The following RINL variants were observed in gnomAD, a reference collection of about 807,000 sequenced individuals.
RINL encodes the protein Ras and Rab interactor like, also known as ras and Rab interactor-like protein.
RINL carries 39 observed loss-of-function variants against 58.1 expected under a neutral mutation model. The observed-to-expected ratio is 0.67, with a 90% confidence interval of 0.52 to 0.88. The LOEUF (loss-of-function observed/expected upper bound fraction) is 0.88. RINL is among the 40% of genes least tolerant of loss of function. The pLI is 0.00. For missense variants in RINL, 711 were observed against 749.2 expected (o/e 0.95, Z 0.60); for synonymous variants, 286 against 323.1 (o/e 0.89, Z 1.23).
chr19:38,870,792 T>G lies in RINL; in HGVS notation c.802A>C (p.Arg268=), dbSNP rs1176698333. The G allele has an allele frequency of 6.2e-7, 1 of 1,612,424 alleles. No individual in the cohort carries two copies. Among genetic ancestry groups the G allele is most frequent in the Non-Finnish European group, 8.5e-7 (1 of 1,180,008 alleles). The change falls in exon 8 of 12, where the codon AGG becomes CGG. Residue 268 remains arginine (R), a synonymous_variant. Transcript: ENST00000591812. This position sits in a 1 kb window ranked among gnomAD's most constrained non-coding sequence, Gnocchi z 5.8. ...CTGGCCACGTAGCTGCTCCGGGCCC[T>G]GACCAGAGACTGGACGTGAATGGTG... The part of the protein sequence containing the change: ...VLTIHVQSLV[R]ARSSYVARQY...
chr19:38,869,894 C>T lies in RINL; in HGVS notation c.1342+49G>A, dbSNP rs1209345678. The T allele has an allele frequency of 6.4e-7, 1 of 1,551,856 alleles. No homozygotes were observed. On this transcript the variant is annotated intron_variant, in intron 9 of 11. Transcript: ENST00000591812. This position sits in a 1 kb window ranked among gnomAD's most constrained non-coding sequence, Gnocchi z 5.7. ...AGTGCTACCCTCTCCCGCCTGGCTCCAACTCTCAAGGCTCTCCCCACCACG... is the reference window on the plus strand; with the variant it reads ...AGTGCTACCCTCTCCCGCCTGGCTCTAACTCTCAAGGCTCTCCCCACCACG...
chr19:38,875,843 A>G (rs1251295340), intron 3 of RINL, among the ~76,000 whole-genome samples: 1 of 152,190 alleles, frequency 6.6e-6, no homozygotes, highest in Admixed American at 6.5e-5. Context: ...GCTGGCCTCA[A>G]TGTCACTGCA....
At chr19:38,876,528 G>C in intron 2 of RINL, 38 bp from the exon 3 acceptor site, 1 of 1,529,492 alleles carries the variant, frequency 6.5e-7, no homozygotes, top group Non-Finnish European at 8.8e-7. Flanking sequence ...GGGGTCAGAG[G>C]TGGGCAGTGG....
At chr19:38,871,770 C>T in intron 5 of RINL, 28 bp downstream of exon 5, 1 of 1,613,434 alleles carries the variant, frequency 6.2e-7, no homozygotes, top group Non-Finnish European at 8.5e-7. Flanking sequence ...AAGGGTCCCC[C>T]TTAGTGCCTC....
intron 3 of RINL, among the ~76,000 whole-genome samples, chr19:38,875,679 TA>T (rs35176853): frequency 8.8e-5 from 13 of 147,596 alleles, no homozygotes; most frequent in South Asian, 2.1e-4. Flanking sequence ...CTCTCAAAAT[TA>T]AAAAAAAAAA....
chr19:38,876,264 T>C lies in RINL; in HGVS notation c.210+67A>G, dbSNP rs145620171. ...TGGTTTGCCCAATTTGTGTCATGTT[T>C]GTCACTAGTAACCAGCAGAGTCCTA... On this transcript the variant is annotated intron_variant, in intron 3 of 11. Coordinates refer to ENST00000591812, the MANE Select transcript of RINL (RefSeq NM_001195833.2). 8.6e-4 allele frequency: 1,251 copies of C among 1,448,522 alleles called. 12 individuals are homozygous for C. The African/African-American group carries it at 0.016, about 18-fold the overall frequency. The allele number at this position is 1,448,522 out of a possible 1,614,324, so 89.7% of individuals were successfully genotyped here.
Position 38,871,813 on chromosome 19 carries a change from A to G in RINL, c.371T>C (p.Phe124Ser). ...CMPDLPHLLA[F>S]LSASRDVLPR... The stretch of plus-strand genomic sequence containing the variant: ...TGACCTGTACCTGCTGGCTGATAGA[A>G]AGGCCAGGAGATGGGGCAGGTCTGG... Residue 124 changes from phenylalanine to serine, a missense_variant, in exon 5 of 12, where the codon TTT becomes TCT. Phe to Ser is a radical substitution (Grantham distance 155). Coordinates refer to ENST00000591812, the MANE Select transcript of RINL (RefSeq NM_001195833.2). 6.2e-7 allele frequency: 1 copy of G among 1,614,106 alleles called. No individual in the cohort carries two copies. The highest frequency in any genetic ancestry group is 8.5e-7 in the Non-Finnish European group (1 of 1,179,970).
At position 38,870,030 on chromosome 19, in the gene RINL, C is replaced by G. The variant is rs766744570; in HGVS notation, c.1255G>C (p.Ala419Pro). The G allele has an allele frequency of 6.4e-7, 1 of 1,563,524 alleles. No individual in the cohort carries two copies. Among genetic ancestry groups the G allele is most frequent in the Admixed American group, 1.9e-5 (1 of 52,922 alleles). Residue 419 changes from alanine (A) to proline (P), a missense_variant, in exon 9 of 12, where the codon GCT becomes CCT. Transcript: ENST00000591812. This position sits in a 1 kb window ranked among gnomAD's most constrained non-coding sequence, Gnocchi z 5.8. ...ACCTTGCGGCGCGGGGCGCAGGCAG[C>G]GTGGAGGTGCGCAAGGCGCTCGTGG... is the stretch of plus-strand genomic sequence containing the variant. The part of the protein sequence containing the change: ...RIHERLAHLH[A>P]ACAPRRKVAL...
intron 3 of RINL, among the ~76,000 whole-genome samples, chr19:38,874,303 T>C (rs1006110983): frequency 9.2e-5 from 14 of 151,812 alleles, no homozygotes; most frequent in Non-Finnish European, 1.9e-4. Context: ...GACGGAGTCT[T>C]GCCCTGTCGC....
intron 3 of RINL, among the ~76,000 whole-genome samples, chr19:38,874,684 G>T (rs1410084135): frequency 2.0e-5 from 3 of 152,190 alleles, no homozygotes; most frequent in African/African-American, 7.2e-5. Context: ...GGTAGCCCCC[G>T]TTTGCTGTCG....
rs559111006 is a variant in RINL at position 38,874,434 on chromosome 19, G to T, written c.211-446C>A. 7.9e-5 allele frequency among the ~76,000 whole-genome samples: 12 copies of T among 152,236 alleles called. No individual in the cohort carries two copies. The South Asian group carries it at 1.0e-3, about 13-fold the overall frequency. On this transcript the variant is annotated intron_variant, in intron 3 of 11. Transcript: ENST00000591812. ...ATTACGGGCGACTGCCACCACGCCC[G>T]GCTAAGTTTTTGTATTTTTAGCAGA...
chr19:38,870,908 G>A lies in RINL; in HGVS notation c.686C>T (p.Ala229Val), dbSNP rs1347756566. The A allele has an allele frequency of 6.2e-7, 1 of 1,604,740 alleles. No individual in the cohort carries two copies. The highest frequency in any genetic ancestry group is 1.7e-5 in the Admixed American group (1 of 60,018). The change falls in exon 8 of 12, where the codon GCC becomes GTC. Residue 229 changes from alanine to valine, a missense_variant. Transcript: ENST00000591812. This position sits in a 1 kb window ranked among gnomAD's most constrained non-coding sequence, Gnocchi z 5.8. Reference protein sequence around the residue: ...PEVDHPGPALASLLEEEEEDL... With the variant: ...PEVDHPGPALVSLLEEEEEDL... ...TTCCTCCTCCTCTTCCAGTAGGCTG[G>A]CGAGAGCCGGCCCAGGATGGTCCAC...
At chr19:38,876,875 A>G in intron 1 of RINL, 94 bp from the exon 2 acceptor site, 1 of 708,476 alleles carries the variant, frequency 1.4e-6, no homozygotes, top group Non-Finnish European at 2.4e-6. Context: ...CTGACCAATC[A>G]GAATGGACCC....
At position 38,870,265 on chromosome 19, in the gene RINL, G is replaced by A. The variant is rs964314011; in HGVS notation, c.1025-5C>T. On this transcript the variant is annotated splice_region_variant and splice_polypyrimidine_tract_variant and intron_variant, in intron 8 of 11. Transcript: ENST00000591812. The surrounding 1 kb of genome is among the most constrained non-coding windows in gnomAD (Gnocchi z 5.8). Reference sequence around the variant, plus strand: ...CCGCCGTCTCCAGCGCGGGGCCTGCGGGGTGTGGGGGACGGGTGAGCACAG... The same window carrying A: ...CCGCCGTCTCCAGCGCGGGGCCTGCAGGGTGTGGGGGACGGGTGAGCACAG... 4.3e-5 allele frequency: 59 copies of A among 1,380,872 alleles called. No individual in the cohort carries two copies. Among genetic ancestry groups the A allele is most frequent in the Non-Finnish European group, 5.4e-5 (58 of 1,074,580 alleles). 85.5% of individuals were successfully genotyped at this position (1,380,872 alleles called of 1,614,324 possible).
rs1290729249 is a variant in RINL at position 38,870,441 on chromosome 19, G to A, written c.1024+129C>T. ...CCTGGGTGTGAACTTGCGCGCATAC[G>A]TGGGCGATAGAACGCGTGGGATGTG... On this transcript the variant is annotated intron_variant, in intron 8 of 11. Transcript: ENST00000591812. The surrounding 1 kb of genome is among the most constrained non-coding windows in gnomAD (Gnocchi z 5.8). 8 of 1,168,090 alleles carry A rather than the reference G, an allele frequency of 6.8e-6. No individual in the cohort carries two copies. Among genetic ancestry groups the A allele is most frequent in the African/African-American group, 4.7e-5 (3 of 64,476 alleles). The allele number at this position is 1,168,090 out of a possible 1,614,324, so 72.4% of individuals were successfully genotyped here. A position where few individuals can be genotyped will look rare whatever the true frequency, so the allele number is the denominator to read the frequency against.
rs1038908540 is a variant in RINL at position 38,871,346 on chromosome 19, C to T, written c.452-119G>A. ...TGCTGGAGGTGCTGAGGCTTAGCTC[C>T]TGGCCCCTCCTCAGTCAGACCCAGG... On this transcript the variant is annotated intron_variant, in intron 6 of 11. Coordinates refer to ENST00000591812, the MANE Select transcript of RINL (RefSeq NM_001195833.2). The T allele has an allele frequency of 3.5e-6, 4 of 1,133,318 alleles. No homozygotes were observed. In the Admixed American group the frequency reaches 8.7e-5, roughly 25 times the overall value. 70.2% of individuals were successfully genotyped at this position (1,133,318 alleles called of 1,614,324 possible).
Position 38,869,876 on chromosome 19 carries a change from C to T in RINL, c.1342+67G>A. The T allele has an allele frequency of 6.5e-7, 1 of 1,536,550 alleles. No homozygotes were observed. Among genetic ancestry groups the T allele is most frequent in the South Asian group, 1.2e-5 (1 of 83,800 alleles). Reference sequence around the variant, plus strand: ...GCATAGATTCCTCCCACCAGTGCTACCCTCTCCCGCCTGGCTCCAACTCTC... The same window carrying T: ...GCATAGATTCCTCCCACCAGTGCTATCCTCTCCCGCCTGGCTCCAACTCTC... On this transcript the variant is annotated intron_variant, in intron 9 of 11. Coordinates refer to ENST00000591812, the MANE Select transcript of RINL (RefSeq NM_001195833.2). This position sits in a 1 kb window ranked among gnomAD's most constrained non-coding sequence, Gnocchi z 5.7.
In RINL at chr19:38,873,875, A is replaced by T. The variant is rs1243009490; in HGVS notation, c.313+11T>A. ...TGACTGTGGGCTGGAACCTCAGGGG[A>T]GGTGCCTTACCTCTGGGAATCTTCT... is the stretch of plus-strand genomic sequence containing the variant. On this transcript the variant is annotated intron_variant, in intron 4 of 11. Coordinates refer to ENST00000591812, the MANE Select transcript of RINL (RefSeq NM_001195833.2). 1.2e-5 allele frequency: 18 copies of T among 1,484,118 alleles called. No individual in the cohort carries two copies. Among genetic ancestry groups the T allele is most frequent in the Non-Finnish European group, 1.5e-5 (17 of 1,099,742 alleles). 91.9% of individuals were successfully genotyped at this position (1,484,118 alleles called of 1,614,324 possible).
Position 38,870,514 on chromosome 19 carries a change from G to A in RINL, c.1024+56C>T, listed in dbSNP as rs765165894. 424 of 1,494,558 alleles carry A rather than the reference G, an allele frequency of 2.8e-4. No individual in the cohort carries two copies. The highest frequency in any genetic ancestry group is 3.6e-4 in the Non-Finnish European group (404 of 1,121,332). 92.6% of individuals were successfully genotyped at this position (1,494,558 alleles called of 1,614,324 possible). The stretch of plus-strand genomic sequence containing the variant: ...AAGGAAACGTGTGCGCACCGATGGA[G>A]AGGACGAAGTTGCACACTTGAACCC... On this transcript the variant is annotated intron_variant, in intron 8 of 11. Coordinates refer to ENST00000591812, the MANE Select transcript of RINL (RefSeq NM_001195833.2). The surrounding 1 kb of genome is among the most constrained non-coding windows in gnomAD (Gnocchi z 5.8).
Sources: gnomAD v4.1 joint callset for allele counts (sites outside exome capture counted in the v4.1 genomes callset) on GRCh38, gnomAD v4.1.1 for gene constraint, Gnocchi (gnomAD v3.1) non-coding constraint, MANE v1.5 for transcripts, NCBI Gene and HGNC (gene_info 2026-07-23, HGNC 2026-07-21) for gene names.